The following IPO5 variants were observed in gnomAD, a reference collection of about 807,000 sequenced individuals.
The protein encoded by IPO5 is importin 5.
A neutral mutation model predicts 143.3 loss-of-function variants in IPO5; 18 were observed. That is an observed-to-expected ratio of 0.13 (90% CI 0.09 to 0.19). IPO5 has a LOEUF of 0.19. Among genes scored for constraint, IPO5 ranks in the 10% least tolerant of loss-of-function variants. The pLI is 1.00. For synonymous variants in IPO5, 477 were observed against 465.7 expected (o/e 1.02, Z -0.31); for missense variants, 1,013 against 1,336.9 (o/e 0.76, Z 3.78).
intron 25 of IPO5, 107 bp from the exon 26 acceptor site, chr13:98,018,378 T>G: frequency 1.3e-6 from 1 of 791,862 alleles, no homozygotes; most frequent in South Asian, 1.8e-5. Context: ...TTTTTTCTTT[T>G]GCCTGTATGA....
At chr13:97,976,664 T>A (rs951984107) in intron 3 of IPO5, 29 bp from the exon 4 acceptor site, 14 of 1,167,498 alleles carry the variant, frequency 1.2e-5, no homozygotes, top group African/African-American at 1.7e-5. Context: ...GGCTCCTGTC[T>A]CCCCTCCCTC....
chr13:97,993,972 G>C (rs958860814), intron 11 of IPO5, among the ~76,000 whole-genome samples: 1 of 152,166 alleles, frequency 6.6e-6, no homozygotes, highest in African/African-American at 2.4e-5. Flanking sequence ...TGTACTGACT[G>C]CCCCAGCTGA....
In IPO5 at chr13:98,002,574, CTTT is replaced by C; in HGVS notation, c.1219_1221del (p.Phe407del). ...AAATGAGATCGTAAATTTTGTTTTA[CTTT>C]TTCTCCAGGATCCTGTAAGTACCAG... On this transcript the variant is annotated inframe_deletion, in exon 14 of 29. Transcript: ENST00000651721. 1 of 1,613,944 alleles carries C rather than the reference CTTT, an allele frequency of 6.2e-7. No homozygotes were observed. The highest frequency in any genetic ancestry group is 8.5e-7 in the Non-Finnish European group (1 of 1,179,914).
chr13:97,973,150 C>A (rs905756032), intron 3 of IPO5, among the ~76,000 whole-genome samples: 2 of 147,174 alleles, frequency 1.4e-5, no homozygotes, highest in Non-Finnish European at 3.0e-5. Context: ...TCAAGCGATT[C>A]TCCTGCCTCA....
chr13:97,970,990 A>G (rs1885783845), intron 3 of IPO5, among the ~76,000 whole-genome samples: 1 of 152,226 alleles, frequency 6.6e-6, no homozygotes, highest in South Asian at 2.1e-4. Flanking sequence ...ATCAGTAGTA[A>G]AAAATACTTC....
intron 20 of IPO5, among the ~76,000 whole-genome samples, chr13:98,011,762 C>T (rs1275762798): frequency 6.6e-6 from 1 of 152,188 alleles, no homozygotes; most frequent in African/African-American, 2.4e-5. Context: ...GCCTCAGCCT[C>T]CCAAAGTGCT....
chr13:97,999,465 T>C (rs1888579893), intron 12 of IPO5, among the ~76,000 whole-genome samples: 1 of 152,176 alleles, frequency 6.6e-6, no homozygotes, highest in Non-Finnish European at 1.5e-5. Context: ...ATTTATACAG[T>C]TTAAGAAACT....
chr13:97,996,794 A>G (rs1307849605), intron 11 of IPO5, among the ~76,000 whole-genome samples: 1 of 151,860 alleles, frequency 6.6e-6, no homozygotes, highest in Non-Finnish European at 1.5e-5. Context: ...GGGTTTCACC[A>G]TGTTAGCCAG....
intron 6 of IPO5, among the ~76,000 whole-genome samples, chr13:97,987,454 A>G (rs759966284): frequency 4.6e-5 from 7 of 152,180 alleles, no homozygotes; most frequent in African/African-American, 7.2e-5. Context: ...AGCAGATTGT[A>G]TCCTTTCTTA....
chr13:97,992,853 T>G, intron 9 of IPO5, 39 bp from the exon 10 acceptor site: 1 of 1,575,302 alleles, frequency 6.3e-7, no homozygotes, highest in Non-Finnish European at 8.6e-7. Context: ...CATTATAAAG[T>G]GAATCTTCAG....
chr13:97,965,103 C>A (rs1174844961), intron 2 of IPO5, among the ~76,000 whole-genome samples: 2 of 152,128 alleles, frequency 1.3e-5, no homozygotes, highest in African/African-American at 4.8e-5. Context: ...GAAAACCAAA[C>A]ACCACATGTT....
At chr13:97,988,798 G>T (rs1394400368) in intron 6 of IPO5, among the ~76,000 whole-genome samples, 2 of 151,676 alleles carry the variant, frequency 1.3e-5, no homozygotes, top group Non-Finnish European at 2.9e-5. Flanking sequence ...AAAAAAAGAA[G>T]AACCTCTGTT....
chr13:97,964,590 A>T (rs1427215511), intron 2 of IPO5, among the ~76,000 whole-genome samples: 1 of 151,214 alleles, frequency 6.6e-6, no homozygotes, highest in Non-Finnish European at 1.5e-5. Flanking sequence ...GGCACCTGCC[A>T]CCACACCCAG....
At chr13:97,977,046 GC>G (rs1488409559) in intron 4 of IPO5, 4 of 197,654 alleles carry the variant, frequency 2.0e-5, no homozygotes, top group Non-Finnish European at 1.1e-5. Flanking sequence ...CTCCCGACGC[GC>G]CCCCGTCCAG....
At chr13:97,979,811 C>G in intron 4 of IPO5, 3 of 444,414 alleles carry the variant, frequency 6.8e-6, no homozygotes, top group South Asian at 3.2e-5. Flanking sequence ...CAGGCATGAG[C>G]CACCACACCC....
At chr13:98,008,374 C>CT (rs1889437163) in intron 18 of IPO5, among the ~76,000 whole-genome samples, 2 of 152,164 alleles carry the variant, frequency 1.3e-5, no homozygotes, top group South Asian at 4.1e-4. Context: ...TTTGTGGGTT[C>CT]TATCCAAGGC....
chr13:98,005,150 G>A (rs1889116110), intron 16 of IPO5, among the ~76,000 whole-genome samples: 1 of 149,930 alleles, frequency 6.7e-6, no homozygotes, highest in Non-Finnish European at 1.5e-5. Flanking sequence ...GCCCACCTGG[G>A]CCTCCCAAAG....
At position 98,023,401 on chromosome 13, in the gene IPO5, T is replaced by TA. The variant is rs1466522892; in HGVS notation, c.*1580dup. 2 of 152,206 alleles carry TA rather than the reference T, an allele frequency of 1.3e-5. No individual in the cohort carries two copies. Among genetic ancestry groups the TA allele is most frequent in the African/African-American group, 4.8e-5 (2 of 41,440 alleles). 9.4% of individuals were successfully genotyped at this position (152,206 alleles called of 1,614,324 possible). A position where few individuals can be genotyped will look rare whatever the true frequency, so the allele number is the denominator to read the frequency against. On this transcript the variant is annotated 3_prime_UTR_variant, in exon 29 of 29. Coordinates refer to ENST00000651721, the MANE Select transcript of IPO5 (RefSeq NM_002271.6). ...TCAAGACAACCCCTTTCTGCTTTCT[T>TA]ATGTAGCATCTGCAAAGCCGATTCA... is the stretch of plus-strand genomic sequence containing the variant.
rs143227504 is a variant in IPO5, at chr13:98,019,783, C to T, written c.3039C>T (p.Phe1013=). 6.2e-5 allele frequency: 100 copies of T among 1,612,868 alleles called. No homozygotes were observed. In the African/African-American group the frequency reaches 8.7e-4, roughly 14 times the overall value. ...HEDKEEAVQT[F]NYLCDLIESN... Reference sequence around the variant, plus strand: ...ATAAAGAAGAAGCTGTTCAGACTTTCAATTATCTGTGTGACCTGATTGAAA... The same window carrying T: ...ATAAAGAAGAAGCTGTTCAGACTTTTAATTATCTGTGTGACCTGATTGAAA... The change falls in exon 27 of 29, where the codon TTC becomes TTT. Residue 1013 remains phenylalanine (F), a synonymous_variant. Transcript: ENST00000651721.
Sources: gnomAD v4.1 joint callset for allele counts (sites outside exome capture counted in the v4.1 genomes callset) on GRCh38, gnomAD v4.1.1 for gene constraint, MANE v1.5 for transcripts, NCBI Gene and HGNC (gene_info 2026-07-23, HGNC 2026-07-21) for gene names.